HTR1F: variants seen among roughly 807,000 people sequenced by gnomAD.
HTR1F encodes the protein 5-hydroxytryptamine receptor 1F.
Under a neutral mutation model 24.0 loss-of-function variants are expected in HTR1F, and 17 were observed. The observed-to-expected ratio is 0.71, with a 90% CI of 0.48 to 1.06. The LOEUF (loss-of-function observed/expected upper bound fraction) is 1.06, where lower values mean the gene tolerates loss of function less well. Among genes scored for constraint, HTR1F ranks in the 50% least tolerant of loss-of-function variants. The pLI is 0.00. For synonymous variants in HTR1F, 186 were observed against 156.8 expected (o/e 1.19, Z -1.39); for missense variants, 391 against 427.8 (o/e 0.91, Z 0.76).
rs1488239893 is a variant in HTR1F at position 87,991,731 on chromosome 3, A to G, written c.982A>G (p.Met328Val). 1.2e-6 allele frequency: 2 copies of G among 1,613,876 alleles called. No homozygotes were observed. Among genetic ancestry groups the G allele is most frequent in the African/African-American group, 2.7e-5 (2 of 74,948 alleles). Residue 328 changes from methionine to valine, a missense_variant, in exon 3 of 3, where the codon ATG becomes GTG. Physicochemically the swap from Met to Val is conservative, Grantham distance 21. Transcript: ENST00000319595. ...VCDKCKISEE[M>V]SNFLAWLGYL... ...TGACAAATGTAAAATTTCTGAAGAAATGTCCAATTTTTTGGCATGGCTTGG... is the reference window on the plus strand; with the variant it reads ...TGACAAATGTAAAATTTCTGAAGAAGTGTCCAATTTTTTGGCATGGCTTGG...
intron 1 of HTR1F, among the ~76,000 whole-genome samples, chr3:87,815,633 A>G (rs1198095553): frequency 6.6e-6 from 1 of 152,144 alleles, no homozygotes; most frequent in Non-Finnish European, 1.5e-5. Context: ...TTCAAGAAAC[A>G]TTGAAAGTTT....
intron 2 of HTR1F, among the ~76,000 whole-genome samples, chr3:87,890,951 C>A (rs1706068158): frequency 6.6e-6 from 1 of 151,554 alleles, no homozygotes. Flanking sequence ...AAGCGATTCT[C>A]CCACCTCAGC....
At chr3:87,920,945 T>C (rs1409319931) in intron 2 of HTR1F, among the ~76,000 whole-genome samples, 1 of 152,204 alleles carries the variant, frequency 6.6e-6, no homozygotes, top group East Asian at 1.9e-4. Context: ...CTCCTCTTTC[T>C]TTCTGACTAT....
chr3:87,942,877 C>T (rs1207532013), intron 2 of HTR1F, among the ~76,000 whole-genome samples: 2 of 151,952 alleles, frequency 1.3e-5, no homozygotes, highest in Non-Finnish European at 2.9e-5. Context: ...TTTTTAATGT[C>T]TGCAGCTGAC....
intron 2 of HTR1F, among the ~76,000 whole-genome samples, chr3:87,884,282 C>G (rs571961245): frequency 6.6e-6 from 1 of 152,296 alleles, no homozygotes; most frequent in South Asian, 2.1e-4. Context: ...CCTTTACGGA[C>G]AAGCAAATGC....
chr3:87,869,873 G>A (rs1437392493), intron 2 of HTR1F, among the ~76,000 whole-genome samples: 1 of 151,926 alleles, frequency 6.6e-6, no homozygotes, highest in Non-Finnish European at 1.5e-5. Context: ...GATACACGTG[G>A]CCCAAATTGA....
intron 2 of HTR1F, among the ~76,000 whole-genome samples, chr3:87,851,586 A>T (rs954735260): frequency 6.6e-6 from 1 of 151,618 alleles, no homozygotes; most frequent in African/African-American, 2.4e-5. Context: ...AACTATGCTA[A>T]CTCAATCTTT....
At chr3:87,846,436 C>CAA (rs10649883) in intron 2 of HTR1F, among the ~76,000 whole-genome samples, 9,989 of 147,310 alleles carry the variant, frequency 0.068, 1,191 homozygotes, top group African/African-American at 0.23. Flanking sequence ...GACTCCATCT[C>CAA]AAAAAAAAAA....
At chr3:87,894,896 T>A (rs1263721191) in intron 2 of HTR1F, among the ~76,000 whole-genome samples, 1 of 150,890 alleles carries the variant, frequency 6.6e-6, no homozygotes, top group Admixed American at 6.6e-5. Flanking sequence ...CCTCAAGGAG[T>A]TTTTGAAAGG....
At chr3:87,962,310 A>G (rs2068947) in intron 2 of HTR1F, among the ~76,000 whole-genome samples, 17,259 of 152,152 alleles carry the variant, frequency 0.11, 1,241 homozygotes, top group Middle Eastern at 0.17. Flanking sequence ...TGCATAGAGA[A>G]ATAAAGATTG....
intron 2 of HTR1F, among the ~76,000 whole-genome samples, chr3:87,984,015 G>A (rs1165580187): frequency 3.3e-5 from 5 of 152,130 alleles, no homozygotes; most frequent in Admixed American, 1.3e-4. Flanking sequence ...AAAACCTGGT[G>A]TCCTTACCAT....
At chr3:87,909,052 C>A (rs1160227006) in intron 2 of HTR1F, among the ~76,000 whole-genome samples, 1 of 151,980 alleles carries the variant, frequency 6.6e-6, no homozygotes, top group East Asian at 1.9e-4. Flanking sequence ...GAAGCCTATA[C>A]TGCTTCATTT....
chr3:87,843,515 T>C (rs1468991600), intron 2 of HTR1F, among the ~76,000 whole-genome samples: 3 of 150,816 alleles, frequency 2.0e-5, no homozygotes, highest in Admixed American at 2.0e-4. Context: ...CTTTTTCTTT[T>C]TTTTTTTTTA....
intron 2 of HTR1F, among the ~76,000 whole-genome samples, chr3:87,848,249 C>CATTTCCCTG (rs1310572952): frequency 2.0e-5 from 3 of 151,830 alleles, no homozygotes; most frequent in Non-Finnish European, 4.4e-5. Flanking sequence ...TTTTGATTTG[C>CATTTCCCTG]ATTTCCCTGG....
At chr3:87,967,103 T>A (rs1399961941) in intron 2 of HTR1F, among the ~76,000 whole-genome samples, 1 of 152,156 alleles carries the variant, frequency 6.6e-6, no homozygotes, top group Non-Finnish European at 1.5e-5. Flanking sequence ...TAGAAATTGG[T>A]TGAATGACAT....
At chr3:87,814,539 C>T (rs1205432971) in intron 1 of HTR1F, among the ~76,000 whole-genome samples, 1 of 152,174 alleles carries the variant, frequency 6.6e-6, no homozygotes, top group East Asian at 1.9e-4. Context: ...CATTCTCCAG[C>T]CCCTGGTAAC....
intron 2 of HTR1F, among the ~76,000 whole-genome samples, chr3:87,909,381 G>T (rs1264143313): frequency 1.3e-5 from 2 of 151,924 alleles, no homozygotes; most frequent in African/African-American, 4.8e-5. Flanking sequence ...CTTTCTTCAT[G>T]ACCACATACA....
At chr3:87,922,631 T>C (rs1704034655) in intron 2 of HTR1F, among the ~76,000 whole-genome samples, 1 of 152,074 alleles carries the variant, frequency 6.6e-6, no homozygotes, top group Non-Finnish European at 1.5e-5. Flanking sequence ...CTTTATGTTT[T>C]CTTCTAGTCA....
At chr3:87,811,942 A>G (rs1278332315) in intron 1 of HTR1F, among the ~76,000 whole-genome samples, 2 of 152,094 alleles carry the variant, frequency 1.3e-5, no homozygotes, top group African/African-American at 2.4e-5. Context: ...TGATGGCTTT[A>G]TAAGTATTTG....
Sources: allele counts gnomAD v4.1 joint callset (sites outside exome capture counted in the v4.1 genomes callset), GRCh38; gene constraint gnomAD v4.1.1; transcripts MANE v1.5; gene names NCBI Gene and HGNC (gene_info 2026-07-23, HGNC 2026-07-21).